The following NKD1 variants were observed in gnomAD, a reference collection of about 807,000 sequenced individuals.
NKD1 encodes the protein protein naked cuticle homolog 1.
NKD1 carries 21 observed loss-of-function variants against 56.0 expected under a neutral mutation model. The observed-to-expected ratio is 0.38, with a 90% CI of 0.27 to 0.54. The LOEUF is 0.54. NKD1 is among the 20% of genes least tolerant of loss of function. NKD1 has a pLI of 0.82. For synonymous variants in NKD1, 263 were observed against 265.7 expected, an observed-to-expected ratio of 0.99 and a Z score of 0.10; for missense variants, 578 against 642.7, an observed-to-expected ratio of 0.90 and a Z score of 1.09.
In NKD1 at chr16:50,634,025, T is replaced by TAATG; in HGVS notation, c.*245_*248dup. The TAATG allele has an allele frequency of 2.6e-6, 1 of 386,130 alleles. No homozygotes were observed. The highest frequency in any genetic ancestry group is 4.6e-6 in the Non-Finnish European group (1 of 218,344). 23.9% of individuals were successfully genotyped at this position (386,130 alleles called of 1,614,324 possible). On this transcript the variant is annotated 3_prime_UTR_variant, in exon 10 of 10. Transcript: ENST00000268459. ...AATGACTCTGGTTTTGAGTGGCCTG[T>TAATG]AATGGGCAGAGGCTCCCTCGGGGCT...
At chr16:50,629,126 T>C (rs1962287870) in intron 6 of NKD1, among the ~76,000 whole-genome samples, 2 of 151,964 alleles carry the variant, frequency 1.3e-5, no homozygotes, top group Non-Finnish European at 2.9e-5. Context: ...CCACCACACA[T>C]GGCTATTTTT....
chr16:50,568,551 G>A lies in NKD1; in HGVS notation c.192+18996G>A, dbSNP rs149813273. 4.6e-5 allele frequency among the ~76,000 whole-genome samples: 7 copies of A among 152,286 alleles called. No homozygotes were observed. In the East Asian group the frequency reaches 7.7e-4, roughly 17 times the overall value. ...TCAGTCCATAATGTCTATGGTGATC[G>A]TTGGCAGCGAGAGAGGGGGGTCTTC... On this transcript the variant is annotated intron_variant, in intron 3 of 9. Transcript: ENST00000268459.
intron 4 of NKD1, among the ~76,000 whole-genome samples, chr16:50,614,052 G>A (rs1005413562): frequency 6.6e-6 from 1 of 152,200 alleles, no homozygotes; most frequent in Admixed American, 6.5e-5. Context: ...TGGGAGGCAG[G>A]ATGGTGGAGA....
chr16:50,592,180 C>T (rs1369770070), intron 3 of NKD1, among the ~76,000 whole-genome samples: 2 of 152,240 alleles, frequency 1.3e-5, no homozygotes, highest in Non-Finnish European at 2.9e-5. Context: ...GTCCAGTCCA[C>T]ATTGGCCTTG....
At chr16:50,566,188 C>A (rs1215231468) in intron 3 of NKD1, 2 of 985,236 alleles carry the variant, frequency 2.0e-6, no homozygotes, top group Non-Finnish European at 2.4e-6. Flanking sequence ...ATTTCAAGCC[C>A]TTGTCAACTG....
chr16:50,646,172 A>T lies in NKD1; in HGVS notation c.*12391A>T, dbSNP rs1962675096. On this transcript the variant is annotated 3_prime_UTR_variant, in exon 10 of 10. Transcript: ENST00000268459. ...AACTCTATTAGGCATGCTCTAGCAA[A>T]AAGAAAGGCAAATCCAATGATAATG... The T allele has an allele frequency of 6.6e-6, 1 of 152,180 alleles. No homozygotes were observed. Among genetic ancestry groups the T allele is most frequent in the African/African-American group, 2.4e-5 (1 of 41,436 alleles). 9.4% of individuals were successfully genotyped at this position (152,180 alleles called of 1,614,324 possible). A position where few individuals can be genotyped will look rare whatever the true frequency, so the allele number is the denominator to read the frequency against.
intron 3 of NKD1, among the ~76,000 whole-genome samples, chr16:50,582,885 T>C (rs1961147513): frequency 6.6e-6 from 1 of 152,198 alleles, no homozygotes; most frequent in Non-Finnish European, 1.5e-5. Context: ...TGGGCACCTA[T>C]AATCCCAGCT....
Position 50,549,551 on chromosome 16 carries a change from C to T in NKD1, c.188C>T (p.Thr63Ile), listed in dbSNP as rs755201914. ...LRLAGTIGRS[T>I]RELVGDVLRD... Reference sequence around the variant, plus strand: ...TTGGCGGGCACCATAGGCCGAAGCACCCGGGTATGATTCCCCACCCCTGCC... The same window carrying T: ...TTGGCGGGCACCATAGGCCGAAGCATCCGGGTATGATTCCCCACCCCTGCC... Residue 63 changes from threonine to isoleucine, a missense_variant, in exon 3 of 10, where the codon ACC (threonine) becomes ATC (isoleucine). Thr to Ile is a moderately conservative substitution (Grantham distance 89). Coordinates refer to ENST00000268459, the MANE Select transcript of NKD1 (RefSeq NM_033119.5). 1 of 1,586,132 alleles carries T rather than the reference C, an allele frequency of 6.3e-7. No homozygotes were observed. The highest frequency in any genetic ancestry group is 1.4e-5 in the African/African-American group (1 of 74,006).
intron 3 of NKD1, among the ~76,000 whole-genome samples, chr16:50,588,499 G>C (rs1333819475): frequency 6.6e-6 from 1 of 152,152 alleles, no homozygotes; most frequent in Non-Finnish European, 1.5e-5. Context: ...CAGCAGGGTG[G>C]CTAGAGCTCA....
At chr16:50,556,296 A>C (rs1415226426) in intron 3 of NKD1, 3 of 152,276 alleles carry the variant, frequency 2.0e-5, no homozygotes, top group African/African-American at 7.2e-5. Flanking sequence ...TTTTCTAAAC[A>C]AGCACTTCCA....
At chr16:50,628,178 A>C (rs1962265402) in intron 6 of NKD1, among the ~76,000 whole-genome samples, 1 of 152,200 alleles carries the variant, frequency 6.6e-6, no homozygotes, top group Non-Finnish European at 1.5e-5. Context: ...TTTTGTTAAA[A>C]ATCAGTTGCC....
intron 3 of NKD1, among the ~76,000 whole-genome samples, chr16:50,560,491 A>G (rs1960599667): frequency 1.3e-5 from 2 of 152,194 alleles, no homozygotes; most frequent in East Asian, 1.9e-4. Flanking sequence ...CATCTTACCC[A>G]TAGGGAAACT....
chr16:50,610,154 G>C (rs1408754176), intron 4 of NKD1, among the ~76,000 whole-genome samples: 3 of 152,188 alleles, frequency 2.0e-5, no homozygotes, highest in Non-Finnish European at 4.4e-5. Flanking sequence ...AACATAGTGA[G>C]ACCCTGTCTC....
At position 50,621,492 on chromosome 16, in the gene NKD1, C is replaced by A. The variant is rs60823148; in HGVS notation, c.260-110C>A. ...ATGGGCAGGGCAGGAGCGGGCCCAGCCCCCTGGCGAGAATGTCCAGGCCAG... is the reference window on the plus strand; with the variant it reads ...ATGGGCAGGGCAGGAGCGGGCCCAGACCCCTGGCGAGAATGTCCAGGCCAG... On this transcript the variant is annotated intron_variant, in intron 4 of 9. Coordinates refer to ENST00000268459, the MANE Select transcript of NKD1 (RefSeq NM_033119.5). 1.9e-3 allele frequency: 1,364 copies of A among 704,742 alleles called. 10 individuals carry two copies. The African/African-American group carries it at 0.022, about 11-fold the overall frequency. 43.7% of individuals were successfully genotyped at this position (704,742 alleles called of 1,614,324 possible).
intron 3 of NKD1, among the ~76,000 whole-genome samples, chr16:50,560,701 G>A (rs1960604628): frequency 6.7e-6 from 1 of 149,776 alleles, no homozygotes; most frequent in African/African-American, 2.5e-5. Flanking sequence ...TGACCAAAAT[G>A]AAATAGAGTA....
intron 2 of NKD1, 38 bp downstream of exon 2, chr16:50,548,787 CG>C (rs1473232458): frequency 2.9e-5 from 40 of 1,359,660 alleles, no homozygotes; most frequent in Admixed American, 4.0e-5. Flanking sequence ...GGGATGGACG[CG>C]GGGGACACCG....
In NKD1 at chr16:50,606,893, G is replaced by A. The variant is rs553483849; in HGVS notation, c.193-1401G>A. ...ATGGGCTTCAATTGGCTGCTGGGGC[G>A]TCCCAGCCATCTAATGATGCCACCT... On this transcript the variant is annotated intron_variant, in intron 3 of 9. Coordinates refer to ENST00000268459, the MANE Select transcript of NKD1 (RefSeq NM_033119.5). 1.6e-4 allele frequency: 73 copies of A among 456,582 alleles called. No individual in the cohort carries two copies. In the East Asian group the frequency reaches 2.3e-3, roughly 14 times the overall value. 28.3% of individuals were successfully genotyped at this position (456,582 alleles called of 1,614,324 possible).
At chr16:50,592,258 C>T (rs1033568184) in intron 3 of NKD1, among the ~76,000 whole-genome samples, 1 of 152,220 alleles carries the variant, frequency 6.6e-6, no homozygotes, top group South Asian at 2.1e-4. Context: ...CTGGACTGGG[C>T]GGGGCCTTCT....
intron 3 of NKD1, among the ~76,000 whole-genome samples, chr16:50,605,655 G>A (rs1961690619): frequency 6.6e-6 from 1 of 152,180 alleles, no homozygotes. Context: ...GTAATCTAGA[G>A]GTGATTTAAA....
Sources: allele counts gnomAD v4.1 joint callset (sites outside exome capture counted in the v4.1 genomes callset), GRCh38; gene constraint gnomAD v4.1.1; transcripts MANE v1.5; gene names NCBI Gene and HGNC (gene_info 2026-07-23, HGNC 2026-07-21).